CAAP1: variants seen among roughly 807,000 people sequenced by gnomAD.
The protein encoded by CAAP1 is conserved anti-apoptotic protein.
In CAAP1, 20 loss-of-function variants were observed where a neutral mutation model predicts 34.0. The ratio of observed to expected loss-of-function variants is 0.59; its 90% confidence interval spans 0.41 to 0.86. The LOEUF (loss-of-function observed/expected upper bound fraction) is 0.86, where lower values mean the gene tolerates loss of function less well. Among genes scored for constraint, CAAP1 ranks in the 40% least tolerant of loss-of-function variants. CAAP1 has a pLI of 0.00. For synonymous variants in CAAP1, 213 were observed against 166.7 expected, an observed-to-expected ratio of 1.28 and a Z score of -2.14; for missense variants, 538 against 450.5, an observed-to-expected ratio of 1.19 and a Z score of -1.76.
At chr9:26,867,603 G>T (rs547391113) in intron 4 of CAAP1, among the ~76,000 whole-genome samples, 1 of 151,942 alleles carries the variant, frequency 6.6e-6, no homozygotes, top group Non-Finnish European at 1.5e-5. Context: ...TTTTTTTTAG[G>T]TATTAGCATT....
At position 26,887,385 on chromosome 9, in the gene CAAP1, T is replaced by G; in HGVS notation, c.432A>C (p.Lys144Asn). Residue 144 changes from lysine to asparagine, a missense_variant, in exon 2 of 6, where the codon AAA (lysine) becomes AAC (asparagine). Physicochemically the swap from Lys to Asn is moderately conservative, Grantham distance 94. This residue lies in a region of CAAP1 where 514 missense variants were observed against 408.4 expected (regional missense o/e 1.26). Transcript: ENST00000333916. ...KPVSFYISDKKEMLQQCFCII... is the reference protein window; with the variant it reads ...KPVSFYISDKNEMLQQCFCII... ...TACAGAAGCACTGCTGAAGCATTTCTTTTTTGTCTGATATATAGAAACTAA... is the reference window on the plus strand; with the variant it reads ...TACAGAAGCACTGCTGAAGCATTTCGTTTTTGTCTGATATATAGAAACTAA... 6.2e-7 allele frequency: 1 copy of G among 1,612,254 alleles called. No individual in the cohort carries two copies. The highest frequency in any genetic ancestry group is 2.2e-5 in the East Asian group (1 of 44,858).
intron 5 of CAAP1, among the ~76,000 whole-genome samples, chr9:26,846,952 G>A (rs1822625550): frequency 6.6e-6 from 1 of 152,028 alleles, no homozygotes; most frequent in African/African-American, 2.4e-5. Flanking sequence ...CTCCCAAAGT[G>A]CTGGGATTAC....
At chr9:26,863,597 T>A (rs1291645391) in intron 4 of CAAP1, among the ~76,000 whole-genome samples, 2 of 151,964 alleles carry the variant, frequency 1.3e-5, no homozygotes, top group African/African-American at 2.4e-5. Context: ...ACATACTAAG[T>A]GCCAGAATCA....
At chr9:26,869,848 C>T in intron 4 of CAAP1, 1 of 456,710 alleles carries the variant, frequency 2.2e-6, no homozygotes, top group Non-Finnish European at 2.9e-6. Context: ...ATTAATAAAA[C>T]AAATCAGTTA....
intron 3 of CAAP1, among the ~76,000 whole-genome samples, 178 bp downstream of exon 3, chr9:26,885,926 G>A (rs1051966232): frequency 4.4e-4 from 67 of 151,822 alleles, no homozygotes; most frequent in African/African-American, 1.6e-3. Flanking sequence ...GTCTATTCTT[G>A]AAACGCTTTT....
intron 2 of CAAP1, among the ~76,000 whole-genome samples, chr9:26,887,042 C>T (rs532169197): frequency 1.3e-5 from 2 of 152,006 alleles, no homozygotes; most frequent in Admixed American, 6.6e-5. Flanking sequence ...GGTGAAACCC[C>T]GTCTCTTAAA....
chr9:26,858,813 G>C (rs74897898), intron 5 of CAAP1, among the ~76,000 whole-genome samples: 6 of 139,586 alleles, frequency 4.3e-5, no homozygotes, highest in Non-Finnish European at 9.2e-5. Context: ...ACAGAGGGAG[G>C]CTCCATCTCA....
chr9:26,863,338 GA>G (rs906135722), intron 4 of CAAP1, among the ~76,000 whole-genome samples: 1 of 151,608 alleles, frequency 6.6e-6, no homozygotes, highest in African/African-American at 2.4e-5. Context: ...AGTAAATGGG[GA>G]AAAAAAATCC....
At chr9:26,846,228 C>T (rs761223165) in intron 5 of CAAP1, among the ~76,000 whole-genome samples, 4 of 151,964 alleles carry the variant, frequency 2.6e-5, no homozygotes, top group African/African-American at 4.8e-5. Flanking sequence ...ACTAGCCTGG[C>T]CAAGATGGTG....
In CAAP1 at chr9:26,861,110, G is replaced by T. The variant is rs754901100; in HGVS notation, c.695C>A (p.Ser232Tyr). 4.3e-6 allele frequency: 7 copies of T among 1,611,268 alleles called. No individual in the cohort carries two copies. The South Asian group carries it at 7.7e-5, about 18-fold the overall frequency. The change falls in exon 5 of 6, where the codon TCC (serine) becomes TAC (tyrosine). Residue 232 changes from serine (S) to tyrosine (Y), a missense_variant. By Grantham distance (144) the Ser-to-Tyr change is moderately radical (BLOSUM62 -2). Coordinates refer to ENST00000333916, the MANE Select transcript of CAAP1 (RefSeq NM_024828.4). ...QQDICIDSAS[S>Y]VRENKQPEGL... is the part of the protein sequence containing the mutation. ...TTCAGGTTGCTTATTCTCTCTCACG[G>T]ATGAAGCAGAATCTATACAGATGTC...
rs1822483702 is a variant in CAAP1, at chr9:26,841,674, T to G, written c.*627A>C. 1 of 152,594 alleles carries G rather than the reference T, an allele frequency of 6.6e-6. No individual in the cohort carries two copies. The highest frequency in any genetic ancestry group is 2.4e-5 in the African/African-American group (1 of 41,456). 9.5% of individuals were successfully genotyped at this position (152,594 alleles called of 1,614,324 possible). A position where few individuals can be genotyped will look rare whatever the true frequency, so the allele number is the denominator to read the frequency against. Reference sequence around the variant, plus strand: ...GCATCCAATGGTATCAAATACCTGTTAGAATGGCGTGTCTGCTATAATTAA... The same window carrying G: ...GCATCCAATGGTATCAAATACCTGTGAGAATGGCGTGTCTGCTATAATTAA... On this transcript the variant is annotated 3_prime_UTR_variant, in exon 6 of 6. Transcript: ENST00000333916.
At chr9:26,860,740 A>G (rs10967573) in intron 5 of CAAP1, among the ~76,000 whole-genome samples, 6,678 of 152,162 alleles carry the variant, frequency 0.044, 506 homozygotes, top group African/African-American at 0.15. Flanking sequence ...GCAGTGAGCC[A>G]AGATCGCGCC....
intron 5 of CAAP1, among the ~76,000 whole-genome samples, chr9:26,845,129 C>T (rs1350336859): frequency 6.6e-6 from 1 of 152,140 alleles, no homozygotes; most frequent in South Asian, 2.1e-4. Context: ...CTTCATTGCA[C>T]CTGACATTTT....
intron 4 of CAAP1, among the ~76,000 whole-genome samples, chr9:26,862,265 TAA>T (rs1229490290): frequency 3.9e-5 from 6 of 152,154 alleles, no homozygotes; most frequent in Non-Finnish European, 8.8e-5. Flanking sequence ...GGTTTAAAGT[TAA>T]AATGTGCTAC....
At chr9:26,869,398 A>G (rs1477812695) in intron 4 of CAAP1, among the ~76,000 whole-genome samples, 1 of 152,174 alleles carries the variant, frequency 6.6e-6, no homozygotes, top group Non-Finnish European at 1.5e-5. Context: ...ATATGGGGCC[A>G]TGGCCTTACC....
chr9:26,863,896 A>G (rs12335922), intron 4 of CAAP1, among the ~76,000 whole-genome samples: 6,479 of 151,884 alleles, frequency 0.043, 475 homozygotes, highest in African/African-American at 0.15. Flanking sequence ...TGCTCAAGTA[A>G]TCTTCCTACC....
At chr9:26,849,299 C>A (rs1037676271) in intron 5 of CAAP1, among the ~76,000 whole-genome samples, 1 of 152,160 alleles carries the variant, frequency 6.6e-6, no homozygotes, top group African/African-American at 2.4e-5. Flanking sequence ...TTCTCATAAG[C>A]TATTTGCTCC....
At chr9:26,865,211 C>T (rs1168059984) in intron 4 of CAAP1, among the ~76,000 whole-genome samples, 5 of 151,990 alleles carry the variant, frequency 3.3e-5, no homozygotes, top group Non-Finnish European at 4.4e-5. Flanking sequence ...ATTTTTTAAG[C>T]AAAAGTAAAG....
intron 5 of CAAP1, among the ~76,000 whole-genome samples, chr9:26,857,794 G>C (rs760744759): frequency 2.0e-5 from 3 of 152,128 alleles, no homozygotes; most frequent in Non-Finnish European, 4.4e-5. Flanking sequence ...GTGGAAGTTA[G>C]TGTAAAATCT....
Sources: allele counts gnomAD v4.1 joint callset (sites outside exome capture counted in the v4.1 genomes callset), GRCh38; gene constraint gnomAD v4.1.1; regional missense constraint gnomAD v4.1.1; transcripts MANE v1.5; gene names NCBI Gene and HGNC (gene_info 2026-07-23, HGNC 2026-07-21).